The following TTC21B variants were observed in gnomAD, a reference collection of about 807,000 sequenced individuals.
The protein encoded by TTC21B is tetratricopeptide repeat domain 21B, also known as tetratricopeptide repeat protein 21B.
In TTC21B, 127 loss-of-function variants were observed where a neutral mutation model predicts 175.1. The ratio of observed to expected loss-of-function variants is 0.73; its 90% CI spans 0.63 to 0.84. The LOEUF (loss-of-function observed/expected upper bound fraction) is 0.84, where lower values mean the gene tolerates loss of function less well. TTC21B is among the 40% of genes least tolerant of loss of function. The pLI, the probability that TTC21B is intolerant of heterozygous loss-of-function variation, is 0.00. For synonymous variants in TTC21B, 524 were observed against 524.5 expected, an observed-to-expected ratio of 1.00 and a Z score of 0.01; for missense variants, 1,561 against 1,558.3, an observed-to-expected ratio of 1.00 and a Z score of -0.03.
chr2:165,913,627 C>T lies in TTC21B; in HGVS notation c.2158G>A (p.Ala720Thr), dbSNP rs1299254986. 1.2e-6 allele frequency: 2 copies of T among 1,612,802 alleles called. No individual in the cohort carries two copies. Among genetic ancestry groups the T allele is most frequent in the East Asian group, 2.2e-5 (1 of 44,778 alleles). The change falls in exon 16 of 29, where the codon GCT (alanine) becomes ACT (threonine). Residue 720 changes from alanine (A) to threonine (T), a missense_variant. By Grantham distance (58) the Ala-to-Thr change is moderately conservative. Transcript: ENST00000243344. ...AGGAGAAGAAAAGACCGAGGGTTAG[C>T]CATTCTTTCAGCAATTTCTCTGGAA... ...TCFREIAERM[A>T]NPRSFLLLGD...
At chr2:165,953,081 A>T (rs1166886174) in intron 1 of TTC21B, among the ~76,000 whole-genome samples, 4 of 152,248 alleles carry the variant, frequency 2.6e-5, no homozygotes, top group Non-Finnish European at 4.4e-5. Context: ...CGAGTGATTC[A>T]GTGAACAAAT....
In TTC21B at chr2:165,906,955, C is replaced by CAA. The variant is rs1160627145; in HGVS notation, c.2568+721_2568+722dup. Among the ~76,000 whole-genome samples, 534 of 59,588 alleles carry CAA rather than the reference C, an allele frequency of 9.0e-3. 3 individuals carry two copies. The highest frequency in any genetic ancestry group is 0.012 in the African/African-American group (166 of 14,112). The allele number at this position is 59,588 out of a possible 152,430, so 39.1% of individuals were successfully genotyped here. On this transcript the variant is annotated intron_variant, in intron 19 of 28. Transcript: ENST00000243344. ...GGGCAACAAGAGCAAAACTCCGTCT[C>CAA]AAAAAAAAAAAAAAAAAAAAAAGAA...
intron 22 of TTC21B, 146 bp downstream of exon 22, chr2:165,898,540 A>T (rs1685447390): frequency 1.4e-6 from 1 of 704,950 alleles, no homozygotes; most frequent in South Asian, 1.5e-5. Flanking sequence ...TAGCCATTTC[A>T]GCTACTCAAG....
At chr2:165,929,585 T>C (rs1686807659) in intron 10 of TTC21B, 65 bp downstream of exon 10, 1 of 1,182,880 alleles carries the variant, frequency 8.5e-7, no homozygotes, top group Non-Finnish European at 1.2e-6. Flanking sequence ...ACAATAAGAC[T>C]GATTAATAAT....
intron 19 of TTC21B, among the ~76,000 whole-genome samples, chr2:165,902,699 T>C (rs1053427819): frequency 7.9e-5 from 12 of 152,256 alleles, no homozygotes; most frequent in Non-Finnish European, 1.5e-4. Flanking sequence ...TTTTAGATTA[T>C]ACACATGCAT....
intron 24 of TTC21B, 70 bp downstream of exon 24, chr2:165,890,409 T>C (rs934590902): frequency 1.9e-5 from 27 of 1,458,482 alleles, no homozygotes; most frequent in Non-Finnish European, 2.4e-5. Context: ...TTAGTTCTTT[T>C]GTATAGTATC....
Position 165,931,808 on chromosome 2 carries a change from G to T in TTC21B, c.844C>A (p.Pro282Thr). 6.2e-7 allele frequency: 1 copy of T among 1,613,610 alleles called. No individual in the cohort carries two copies. Among genetic ancestry groups the T allele is most frequent in the Non-Finnish European group, 8.5e-7 (1 of 1,179,646 alleles). ...TTATAGAAAAGTTGAGCATTCTGTG[G>T]TTCCATGGCATCCAATGTATTTCCC... ...NLGNTLDAME[P>T]QNAQLFYNIT... The change falls in exon 8 of 29, where the codon CCA (proline) becomes ACA (threonine). Residue 282 changes from proline (P) to threonine (T), a missense_variant. Pro to Thr is a conservative substitution (Grantham distance 38, BLOSUM62 -1). Coordinates refer to ENST00000243344, the MANE Select transcript of TTC21B (RefSeq NM_024753.5).
intron 14 of TTC21B, among the ~76,000 whole-genome samples, chr2:165,916,762 C>A (rs1437147615): frequency 2.0e-5 from 3 of 152,118 alleles, no homozygotes; most frequent in Non-Finnish European, 4.4e-5. Flanking sequence ...TAAGGTCAAC[C>A]AGGAGCAAAT....
At chr2:165,879,535 T>C (rs1370199068) in intron 27 of TTC21B, 2 of 152,196 alleles carry the variant, frequency 1.3e-5, no homozygotes, top group African/African-American at 4.8e-5. Flanking sequence ...ATTCACACGG[T>C]GACATGGCTG....
rs780159682 is a variant in TTC21B, at chr2:165,929,319, T to A, written c.1202A>T (p.His401Leu). The change falls in exon 11 of 29, where the codon CAT (histidine) becomes CTT (leucine). Residue 401 changes from histidine (H) to leucine (L), a missense_variant. Transcript: ENST00000243344. The part of the protein sequence containing the change: ...IGKSAELIYL[H>L]AVLAMKKNKR... The stretch of plus-strand genomic sequence containing the variant: ...ATTTTTCTTCATGGCAAGAACTGCA[T>A]GTAAATAGATTAATTCCTAGAAAAT... The A allele has an allele frequency of 1.2e-6, 2 of 1,606,678 alleles. No homozygotes were observed. Among genetic ancestry groups the A allele is most frequent in the African/African-American group, 2.7e-5 (2 of 74,768 alleles).
intron 22 of TTC21B, among the ~76,000 whole-genome samples, chr2:165,898,142 A>C (rs1271202934): frequency 6.6e-6 from 1 of 152,198 alleles, no homozygotes; most frequent in African/African-American, 2.4e-5. Context: ...TTACAGCAGG[A>C]AGATGTCACA....
At chr2:165,950,978 G>A (rs1314620601) in intron 1 of TTC21B, among the ~76,000 whole-genome samples, 1 of 152,070 alleles carries the variant, frequency 6.6e-6, no homozygotes, top group Admixed American at 6.5e-5. Flanking sequence ...GATCAGTTAG[G>A]CGACTGTTCT....
At chr2:165,940,567 C>T (rs1687327682) in intron 6 of TTC21B, among the ~76,000 whole-genome samples, 1 of 152,160 alleles carries the variant, frequency 6.6e-6, no homozygotes, top group Admixed American at 6.6e-5. Flanking sequence ...AGTCTTCTCT[C>T]AAATATCTGC....
chr2:165,933,124 AAAG>A lies in TTC21B; in HGVS notation c.711-70_711-68del, dbSNP rs1396424423. The A allele has an allele frequency of 1.3e-5, 19 of 1,477,660 alleles. No homozygotes were observed. In the Admixed American group the frequency reaches 2.6e-4, roughly 20 times the overall value. The allele number at this position is 1,477,660 out of a possible 1,614,324, so 91.5% of individuals were successfully genotyped here. Reference sequence around the variant, plus strand: ...TATTTTCTTTTATTCGAGGGCATGAAAAGTTGGTTTGCTTGCCTCACTATTCCA... The same window carrying A: ...TATTTTCTTTTATTCGAGGGCATGAATTGGTTTGCTTGCCTCACTATTCCA... On this transcript the variant is annotated intron_variant, in intron 6 of 28. Coordinates refer to ENST00000243344, the MANE Select transcript of TTC21B (RefSeq NM_024753.5).
At chr2:165,900,415 G>A (rs1198413759) in intron 20 of TTC21B, among the ~76,000 whole-genome samples, 1 of 152,116 alleles carries the variant, frequency 6.6e-6, no homozygotes, top group Admixed American at 6.5e-5. Context: ...AATTCTAGAG[G>A]ATAGTTGTCT....
At chr2:165,908,507 A>G (rs73969725) in intron 18 of TTC21B, among the ~76,000 whole-genome samples, 5,742 of 152,254 alleles carry the variant, frequency 0.038, 344 homozygotes, top group African/African-American at 0.13. Flanking sequence ...TAGATAATTA[A>G]CAAAAATGTT....
Position 165,945,544 on chromosome 2 carries a change from T to C in TTC21B, c.409A>G (p.Ile137Val). The C allele has an allele frequency of 6.2e-7, 1 of 1,613,590 alleles. No homozygotes were observed. Among genetic ancestry groups the C allele is most frequent in the Non-Finnish European group, 8.5e-7 (1 of 1,179,914 alleles). ...GCTACCTGTTTACTACCATCTGATATTTTGATCATTCTGTCAATATATTCC... is the reference window on the plus strand; with the variant it reads ...GCTACCTGTTTACTACCATCTGATACTTTGATCATTCTGTCAATATATTCC... ...AREYIDRMIK[I>V]SDGSKQGHVL... The change falls in exon 4 of 29, where the codon ATA becomes GTA. Residue 137 changes from isoleucine to valine, a missense_variant. Ile to Val is a conservative substitution (Grantham distance 29, BLOSUM62 3). Transcript: ENST00000243344.
intron 27 of TTC21B, among the ~76,000 whole-genome samples, chr2:165,878,279 G>T (rs1173565329): frequency 6.6e-6 from 1 of 152,084 alleles, no homozygotes; most frequent in Non-Finnish European, 1.5e-5. Context: ...CTAAGAAGGG[G>T]AAAGAAAATG....
Position 165,883,960 on chromosome 2 carries a change from G to A in TTC21B, c.3518C>T (p.Thr1173Ile), listed in dbSNP as rs943844025. The part of the protein sequence containing the change: ...MATAYMILKQ[T>I]PRARNQLKRI... ...CTTCAGCTGGTTTCTGGCTCGTGGA[G>A]TCTGTTTCAAGATCATATAAGCCGT... The change falls in exon 26 of 29, where the codon ACT becomes ATT. Residue 1173 changes from threonine (T) to isoleucine (I), a missense_variant. Physicochemically the swap from Thr to Ile is moderately conservative, Grantham distance 89. Coordinates refer to ENST00000243344, the MANE Select transcript of TTC21B (RefSeq NM_024753.5). The A allele has an allele frequency of 2.5e-6, 4 of 1,614,122 alleles. No homozygotes were observed. The South Asian group carries it at 4.4e-5, about 18-fold the overall frequency.
Sources: gnomAD v4.1 joint callset for allele counts (sites outside exome capture counted in the v4.1 genomes callset) on GRCh38, gnomAD v4.1.1 for gene constraint, MANE v1.5 for transcripts, NCBI Gene and HGNC (gene_info 2026-07-23, HGNC 2026-07-21) for gene names.